Variants in RPH3AL observed in about 807,000 individuals in gnomAD.
RPH3AL encodes rab effector Noc2.
RPH3AL carries 38 observed loss-of-function variants against 43.1 expected under a neutral mutation model. That is an observed-to-expected ratio of 0.88 (90% CI 0.68 to 1.15). The LOEUF (loss-of-function observed/expected upper bound fraction) is 1.15. RPH3AL is among the 50% of genes most tolerant of loss of function. The pLI is 0.00. For synonymous variants in RPH3AL, 189 were observed against 176.3 expected, an observed-to-expected ratio of 1.07 and a Z score of -0.57; for missense variants, 462 against 423.2, an observed-to-expected ratio of 1.09 and a Z score of -0.81.
At chr17:291,819 T>C (rs1464495295) in intron 5 of RPH3AL, among the ~76,000 whole-genome samples, 2 of 152,196 alleles carry the variant, frequency 1.3e-5, no homozygotes, top group Admixed American at 1.3e-4. Context: ...ACAGTCTGCA[T>C]AGCAGGGCGC....
At chr17:350,393 T>C (rs1203993399) in intron 1 of RPH3AL, among the ~76,000 whole-genome samples, 1 of 152,024 alleles carries the variant, frequency 6.6e-6, no homozygotes, top group African/African-American at 2.4e-5. Context: ...GGGCAGATCA[T>C]GAGGTCAAGA....
Position 322,269 on chromosome 17 carries a change from G to C in RPH3AL, c.78-854C>G, listed in dbSNP as rs994005671. The C allele has an allele frequency of 2.0e-5, 3 of 152,388 alleles. No individual in the cohort carries two copies. The highest frequency in any genetic ancestry group is 4.4e-5 in the Non-Finnish European group (3 of 68,228). 9.4% of individuals were successfully genotyped at this position (152,388 alleles called of 1,614,324 possible). Reference sequence around the variant, plus strand: ...TTCTATTTTTCTGGACAGGGAGAGAGTGGCAGCAGCAGATCAAACCCCGGA... The same window carrying C: ...TTCTATTTTTCTGGACAGGGAGAGACTGGCAGCAGCAGATCAAACCCCGGA... On this transcript the variant is annotated intron_variant, in intron 3 of 9. Coordinates refer to ENST00000331302, the MANE Select transcript of RPH3AL (RefSeq NM_006987.4). The surrounding 1 kb of genome is among the most constrained non-coding windows in gnomAD (Gnocchi z 4.0).
chr17:324,486 T>C (rs920357318), intron 3 of RPH3AL, among the ~76,000 whole-genome samples: 1 of 152,182 alleles, frequency 6.6e-6, no homozygotes, highest in Non-Finnish European at 1.5e-5. Context: ...CCTGCACGTC[T>C]GGGAGCCCCA....
At chr17:262,952 G>A (rs531331623) in intron 6 of RPH3AL, among the ~76,000 whole-genome samples, 14 of 152,254 alleles carry the variant, frequency 9.2e-5, no homozygotes, top group Middle Eastern at 3.4e-3. Flanking sequence ...GCTTCCCCAC[G>A]TGGCCCTGCC....
At chr17:316,601 CCACTTCCATTGACTTGTAGTCCCTGTACT>C in intron 5 of RPH3AL, among the ~76,000 whole-genome samples, 5 of 143,122 alleles carry the variant, frequency 3.5e-5, no homozygotes, top group African/African-American at 7.8e-5. Context: ...TCCCTGTGCT[CCACTTCCATTGACTTGTAGTCCCTGTACT>C]CCACCTCCAT....
intron 5 of RPH3AL, among the ~76,000 whole-genome samples, chr17:288,617 A>T (rs796279956): frequency 9.0e-5 from 1 of 11,074 alleles, no homozygotes. Context: ...CAGACCTCGC[A>T]CCCTCTCTCT....
rs541108391 is a variant in RPH3AL at position 215,380 on chromosome 17, G to A, written c.876+274C>T. Among the ~76,000 whole-genome samples the A allele has an allele frequency of 1.3e-5, 2 of 152,312 alleles. No individual in the cohort carries two copies. The highest frequency in any genetic ancestry group is 4.1e-4 in the South Asian group (2 of 4,826). On this transcript the variant is annotated intron_variant, in intron 9 of 9. Transcript: ENST00000331302. This position sits in a 1 kb window ranked among gnomAD's most constrained non-coding sequence, Gnocchi z 4.1. ...AAGAGAATGAAAGTTCGCCCCAGGG[G>A]AGCCCGACACGTTTTATGTAGCAGA...
rs1246408716 is a variant in RPH3AL, at chr17:247,253, TTTGTAGAACCA to T, written c.460_470del (p.Trp154ArgfsTer16). The T allele has an allele frequency of 1.9e-6, 3 of 1,603,586 alleles. No individual in the cohort carries two copies. The highest frequency in any genetic ancestry group is 1.7e-6 in the Non-Finnish European group (2 of 1,173,906). ...GGGGCAAGATATACTTGGGGAGCCC[TTTGTAGAACCA>T]GGCCCCCGACCTCTTCCAGACCTGA... On this transcript the variant is annotated frameshift_variant, in exon 7 of 10. Transcript: ENST00000331302. LOFTEE classifies it high-confidence loss of function.
chr17:316,439 G>T (rs373565947), intron 5 of RPH3AL, among the ~76,000 whole-genome samples: 10,181 of 143,678 alleles, frequency 0.071, 1 homozygote, highest in Middle Eastern at 0.12. Flanking sequence ...TTGACCTGTA[G>T]TCTCTGTGCT....
At chr17:252,992 GA>G (rs1362251870) in intron 6 of RPH3AL, among the ~76,000 whole-genome samples, 2 of 152,202 alleles carry the variant, frequency 1.3e-5, no homozygotes, top group African/African-American at 2.4e-5. Flanking sequence ...CGCCCTCCAG[GA>G]GGAAAAGCCA....
In RPH3AL at chr17:319,505, C is replaced by T. The variant is rs769007945; in HGVS notation, c.266G>A (p.Gly89Glu). ...RLETMRRNVM[G>E]NGLSQCLLCG... Reference sequence around the variant, plus strand: ...GAGCAGACACTGGGACAGGCCGTTCCCCATCACATTCCGCCTCATGGTCTC... The same window carrying T: ...GAGCAGACACTGGGACAGGCCGTTCTCCATCACATTCCGCCTCATGGTCTC... The change falls in exon 5 of 10, where the codon GGG (glycine) becomes GAG (glutamate). Residue 89 changes from glycine (G) to glutamate (E), a missense_variant. Transcript: ENST00000331302. 9 of 1,612,330 alleles carry T rather than the reference C, an allele frequency of 5.6e-6. No individual in the cohort carries two copies. In the South Asian group the frequency reaches 6.6e-5, roughly 12 times the overall value.
chr17:315,774 G>A (rs75944578), intron 5 of RPH3AL, among the ~76,000 whole-genome samples: 825 of 91,028 alleles, frequency 9.1e-3, no homozygotes, highest in South Asian at 0.028. Flanking sequence ...TAGTCCCCGT[G>A]ACCCCATCTC....
intron 1 of RPH3AL, among the ~76,000 whole-genome samples, chr17:344,511 A>G (rs1488454971): frequency 7.5e-6 from 1 of 132,754 alleles, no homozygotes; most frequent in African/African-American, 2.6e-5. Context: ...TGTCACCACC[A>G]CCATCATCAC....
intron 1 of RPH3AL, among the ~76,000 whole-genome samples, chr17:340,448 C>T (rs1190456823): frequency 0.064 from 1,811 of 28,394 alleles, 591 homozygotes; most frequent in Admixed American, 0.085. Flanking sequence ...TGCCCCCCAC[C>T]CAGGCCTCCC....
intron 7 of RPH3AL, among the ~76,000 whole-genome samples, chr17:236,522 C>A (rs2041399137): frequency 6.7e-6 from 1 of 148,450 alleles, no homozygotes; most frequent in African/African-American, 2.5e-5. Context: ...CTTTTTCTCC[C>A]AAGTATGGAC....
intron 3 of RPH3AL, 25 bp downstream of exon 3, chr17:327,442 C>T (rs1176592886): frequency 1.9e-6 from 3 of 1,608,268 alleles, no homozygotes; most frequent in East Asian, 2.2e-5. Context: ...GAAGGGACGG[C>T]CTGGGGGGCC....
chr17:294,813 AGAGGAG>A (rs2043133555), intron 5 of RPH3AL, among the ~76,000 whole-genome samples: 3 of 68,880 alleles, frequency 4.4e-5, no homozygotes, highest in East Asian at 3.9e-4. Flanking sequence ...TGGGAGGGAC[AGAGGAG>A]CTGCAGAAAT....
chr17:232,374 G>A (rs929761050), intron 7 of RPH3AL, among the ~76,000 whole-genome samples: 1 of 152,230 alleles, frequency 6.6e-6, no homozygotes, highest in African/African-American at 2.4e-5. Context: ...TGTCATCTAT[G>A]GCAGCTACAG....
intron 6 of RPH3AL, among the ~76,000 whole-genome samples, chr17:249,745 C>T (rs1276270168): frequency 3.3e-5 from 5 of 152,114 alleles, no homozygotes; most frequent in Admixed American, 6.5e-5. Flanking sequence ...AGCTCCATCG[C>T]TGCGGGACGT....
Sources: allele counts gnomAD v4.1 joint callset (sites outside exome capture counted in the v4.1 genomes callset), GRCh38; gene constraint gnomAD v4.1.1; non-coding constraint Gnocchi (gnomAD v3.1); transcripts MANE v1.5; gene names NCBI Gene and HGNC (gene_info 2026-07-23, HGNC 2026-07-21).